Variants in ABLIM2 observed in about 807,000 individuals in gnomAD.
ABLIM2 encodes actin binding LIM protein family member 2.
ABLIM2 carries 53 observed loss-of-function variants against 97.7 expected under a neutral mutation model. That is an observed-to-expected ratio of 0.54 (90% CI 0.44 to 0.68). The LOEUF is 0.68. ABLIM2 is among the 30% of genes least tolerant of loss of function. The pLI is 0.00. For synonymous variants in ABLIM2, 361 were observed against 345.8 expected (o/e 1.04, Z -0.49); for missense variants, 835 against 867.2 (o/e 0.96, Z 0.47).
rs534688664 is a variant in ABLIM2, at chr4:8,082,014, T to C, written c.455-1212A>G. ...ATGTCTGCACGTGAGAGTGTGTCTGTGTGTTTGTCGAAGTGTGTGTCTGCG... is the reference window on the plus strand; with the variant it reads ...ATGTCTGCACGTGAGAGTGTGTCTGCGTGTTTGTCGAAGTGTGTGTCTGCG... On this transcript the variant is annotated intron_variant, in intron 4 of 20. Transcript: ENST00000447017. This position sits in a 1 kb window ranked among gnomAD's most constrained non-coding sequence, Gnocchi z 5.6. Among the ~76,000 whole-genome samples the C allele has an allele frequency of 1.4e-4, 21 of 152,128 alleles. No individual in the cohort carries two copies. Among genetic ancestry groups the C allele is most frequent in the Non-Finnish European group, 2.1e-4 (14 of 68,008 alleles).
At chr4:8,141,017 CCT>C (rs1223530664) in intron 1 of ABLIM2, among the ~76,000 whole-genome samples, 6 of 152,110 alleles carry the variant, frequency 3.9e-5, no homozygotes, top group African/African-American at 1.4e-4. Flanking sequence ...GGACCCTGCC[CCT>C]GTCTCCAGGC....
At chr4:8,121,145 T>C (rs1393971870) in intron 1 of ABLIM2, among the ~76,000 whole-genome samples, 1 of 152,164 alleles carries the variant, frequency 6.6e-6, no homozygotes, top group Non-Finnish European at 1.5e-5. Flanking sequence ...CTGTTTTCCA[T>C]CTGCAAAGTG....
chr4:8,053,377 A>C (rs1420708480), intron 8 of ABLIM2, among the ~76,000 whole-genome samples: 1 of 152,238 alleles, frequency 6.6e-6, no homozygotes, highest in African/African-American at 2.4e-5. Flanking sequence ...GTATAAAACC[A>C]AACTGTGCTC....
At chr4:8,012,553 C>T (rs1261854424) in intron 14 of ABLIM2, among the ~76,000 whole-genome samples, 6 of 150,118 alleles carry the variant, frequency 4.0e-5, no homozygotes, top group Non-Finnish European at 7.4e-5. Flanking sequence ...CATCTACCCA[C>T]TCACCCATCT....
chr4:8,078,103 G>A (rs1265689285), intron 5 of ABLIM2, among the ~76,000 whole-genome samples: 1 of 152,166 alleles, frequency 6.6e-6, no homozygotes, highest in African/African-American at 2.4e-5. Context: ...GAGCCAAAGA[G>A]GGGGGACAGT....
chr4:8,090,670 CTG>C (rs1826718614), intron 3 of ABLIM2, among the ~76,000 whole-genome samples: 1 of 152,164 alleles, frequency 6.6e-6, no homozygotes, highest in African/African-American at 2.4e-5. Flanking sequence ...GCCCCAGACA[CTG>C]TGATTGTCAC....
chr4:8,095,349 G>A lies in ABLIM2; in HGVS notation c.338+1750C>T, dbSNP rs111705091. Among the ~76,000 whole-genome samples the A allele has an allele frequency of 0.041, 6,270 of 152,068 alleles. 403 individuals carry two copies. Among genetic ancestry groups the A allele is most frequent in the African/African-American group, 0.14 (5,604 of 41,406 alleles). ...GAACTCCCAGCCTCAAGTGATCCTC[G>A]CACCTCGGCCTCCCAAAGTGGAGGG... On this transcript the variant is annotated intron_variant, in intron 3 of 20. Coordinates refer to ENST00000447017, the MANE Select transcript of ABLIM2 (RefSeq NM_001130083.2). This position sits in a 1 kb window ranked among gnomAD's most constrained non-coding sequence, Gnocchi z 4.7.
In ABLIM2 at chr4:8,106,523, T is replaced by C. The variant is rs1019985924; in HGVS notation, c.125A>G (p.Tyr42Cys). 2 of 1,601,084 alleles carry C rather than the reference T, an allele frequency of 1.2e-6. No individual in the cohort carries two copies. The highest frequency in any genetic ancestry group is 1.7e-4 in the Middle Eastern group (1 of 6,048). The change falls in exon 2 of 21, where the codon TAC (tyrosine) becomes TGC (cysteine). Residue 42 changes from tyrosine to cysteine, a missense_variant. Tyr to Cys is a radical substitution (Grantham distance 194). Coordinates refer to ENST00000447017, the MANE Select transcript of ABLIM2 (RefSeq NM_001130083.2). ...KGEVLRVQDKYFHIKCFVCKA... is the reference protein window; with the variant it reads ...KGEVLRVQDKCFHIKCFVCKA... ...ACAGACGAAGCACTTGATGTGGAAG[T>C]ACTTGTCCTGCACCCGCAGCACCTC...
intron 10 of ABLIM2, among the ~76,000 whole-genome samples, chr4:8,034,979 G>A (rs1375479237): frequency 7.9e-6 from 1 of 126,530 alleles, no homozygotes; most frequent in East Asian, 2.5e-4. Context: ...CGGGTGGGTG[G>A]TGGGTGGTAG....
At chr4:7,994,940 A>G (rs1752192152) in intron 16 of ABLIM2, among the ~76,000 whole-genome samples, 2 of 116,322 alleles carry the variant, frequency 1.7e-5, no homozygotes, top group Non-Finnish European at 4.1e-5. Flanking sequence ...ACAAAGGGCT[A>G]ATATCCAGAA....
In ABLIM2 at chr4:8,003,965, C is replaced by A. The variant is rs978828767; in HGVS notation, c.1618+4094G>T. On this transcript the variant is annotated intron_variant, in intron 16 of 20. Transcript: ENST00000447017. This position sits in a 1 kb window ranked among gnomAD's most constrained non-coding sequence, Gnocchi z 4.2. The stretch of plus-strand genomic sequence containing the variant: ...CTGCCCGTCCCACCAGATATCCTCA[C>A]GAGATTGACAGTAGCACGTCAGGGA... Among the ~76,000 whole-genome samples, 4 of 152,114 alleles carry A rather than the reference C, an allele frequency of 2.6e-5. No individual in the cohort carries two copies. Among genetic ancestry groups the A allele is most frequent in the African/African-American group, 7.2e-5 (3 of 41,420 alleles).
intron 4 of ABLIM2, 42 bp downstream of exon 4, chr4:8,088,127 G>T: frequency 7.6e-7 from 1 of 1,319,468 alleles, no homozygotes; most frequent in Non-Finnish European, 9.9e-7. Flanking sequence ...CCCCCACTCA[G>T]CATGCCCCCA....
chr4:8,155,723 A>G lies in ABLIM2; in HGVS notation c.10+2957T>C, dbSNP rs1488871242. Among the ~76,000 whole-genome samples the G allele has an allele frequency of 1.3e-5, 2 of 152,158 alleles. No individual in the cohort carries two copies. Among genetic ancestry groups the G allele is most frequent in the African/African-American group, 2.4e-5 (1 of 41,408 alleles). On this transcript the variant is annotated intron_variant, in intron 1 of 20. Transcript: ENST00000447017. This position sits in a 1 kb window ranked among gnomAD's most constrained non-coding sequence, Gnocchi z 4.2. ...CTAACCAAGTCTGGCTGGGGTTTTC[A>G]TAAGAACAGATTAGGACACAGACAC...
At chr4:8,017,347 C>T (rs1462170567) in intron 14 of ABLIM2, among the ~76,000 whole-genome samples, 4 of 151,356 alleles carry the variant, frequency 2.6e-5, no homozygotes, top group African/African-American at 7.3e-5. Context: ...CAGGCAGTGG[C>T]GCAATCCCGG....
At chr4:8,153,131 A>C (rs1378449423) in intron 1 of ABLIM2, among the ~76,000 whole-genome samples, 3 of 152,176 alleles carry the variant, frequency 2.0e-5, no homozygotes, top group African/African-American at 7.2e-5. Flanking sequence ...GCGACAAGAC[A>C]GGCCCCTTCA....
intron 8 of ABLIM2, among the ~76,000 whole-genome samples, chr4:8,047,358 T>TTCCTCCTCCTCC (rs139472480): frequency 1.5e-4 from 22 of 149,040 alleles, no homozygotes; most frequent in African/African-American, 4.2e-4. Flanking sequence ...CCACCGCCTC[T>TTCCTCCTCCTCC]TCCTCCTCCT....
intron 4 of ABLIM2, among the ~76,000 whole-genome samples, chr4:8,086,826 T>C (rs557107051): frequency 6.6e-6 from 1 of 151,170 alleles, no homozygotes; most frequent in African/African-American, 2.4e-5. Flanking sequence ...AAACCACGTT[T>C]ACATTAAAAA....
At chr4:7,983,178 GCAACGACCTTGA>G (rs1204781249) in intron 20 of ABLIM2, 74 bp downstream of exon 20, 39 of 1,430,350 alleles carry the variant, frequency 2.7e-5, no homozygotes, top group Non-Finnish European at 3.6e-5. Flanking sequence ...GGCCCCTTGG[GCAACGACCTTGA>G]CACCACGGAG....
At chr4:8,030,244 G>C (rs139941166) in intron 10 of ABLIM2, among the ~76,000 whole-genome samples, 1 of 152,158 alleles carries the variant, frequency 6.6e-6, no homozygotes, top group Non-Finnish European at 1.5e-5. Flanking sequence ...ACCCCAGGCC[G>C]GGAAGCCCAG....
Sources: gnomAD v4.1 joint callset for allele counts (sites outside exome capture counted in the v4.1 genomes callset) on GRCh38, gnomAD v4.1.1 for gene constraint, Gnocchi (gnomAD v3.1) non-coding constraint, MANE v1.5 for transcripts, NCBI Gene and HGNC (gene_info 2026-07-23, HGNC 2026-07-21) for gene names.